The following PLEKHG4B variants were observed in gnomAD, a reference collection of about 807,000 sequenced individuals.
PLEKHG4B encodes the protein pleckstrin homology and RhoGEF domain containing G4B.
Under a neutral mutation model 121.3 loss-of-function variants are expected in PLEKHG4B, and 111 were observed. That is an observed-to-expected ratio of 0.92 (90% confidence interval 0.78 to 1.07). The LOEUF is 1.07. Ranked by LOEUF, PLEKHG4B falls within the 50% of genes least tolerant of loss-of-function variation. The pLI is 0.00. For synonymous variants in PLEKHG4B, 738 were observed against 725.0 expected, an observed-to-expected ratio of 1.02 and a Z score of -0.29; for missense variants, 1,831 against 1,757.8, an observed-to-expected ratio of 1.04 and a Z score of -0.74.
Position 139,169 on chromosome 5 carries a change from C to T in PLEKHG4B, c.244-314C>T, listed in dbSNP as rs929736138. 7.2e-5 allele frequency among the ~76,000 whole-genome samples: 11 copies of T among 152,202 alleles called. No homozygotes were observed. The highest frequency in any genetic ancestry group is 2.1e-4 in the South Asian group (1 of 4,838). On this transcript the variant is annotated intron_variant, in intron 2 of 19. Transcript: ENST00000637938. This position sits in a 1 kb window ranked among gnomAD's most constrained non-coding sequence, Gnocchi z 5.0. The stretch of plus-strand genomic sequence containing the variant: ...CCACTCTGAGGGACAACTCATCCTT[C>T]GGAGCGCCTGGTGGGCTGTGGCTGT...
Position 159,918 on chromosome 5 carries a change from G to C in PLEKHG4B, c.2488-1865G>C, listed in dbSNP as rs1201068438. 1.3e-5 allele frequency among the ~76,000 whole-genome samples: 2 copies of C among 152,134 alleles called. No individual in the cohort carries two copies. The highest frequency in any genetic ancestry group is 4.8e-5 in the African/African-American group (2 of 41,426). On this transcript the variant is annotated intron_variant, in intron 11 of 19. Coordinates refer to ENST00000637938, the MANE Select transcript of PLEKHG4B (RefSeq NM_052909.5). This position sits in a 1 kb window ranked among gnomAD's most constrained non-coding sequence, Gnocchi z 5.5. ...CTCCCGCTTCCTTCCCGGCCTCCAG[G>C]TTTGTGCCCTGGCTGCTCTCTGCCC...
intron 7 of PLEKHG4B, among the ~76,000 whole-genome samples, chr5:153,806 C>T (rs1735677498): frequency 6.6e-6 from 1 of 152,156 alleles, no homozygotes; most frequent in Non-Finnish European, 1.5e-5. Flanking sequence ...CCCACCTCAG[C>T]CTCCTCAGTA....
chr5:103,582 T>G (rs1733886456), intron 1 of PLEKHG4B, among the ~76,000 whole-genome samples: 1 of 152,220 alleles, frequency 6.6e-6, no homozygotes, highest in South Asian at 2.1e-4. Flanking sequence ...TTTCTATTCC[T>G]TCTTAAAAAT....
chr5:98,633 G>A (rs1432836012), intron 1 of PLEKHG4B, among the ~76,000 whole-genome samples: 1 of 145,794 alleles, frequency 6.9e-6, no homozygotes, highest in Non-Finnish European at 1.5e-5. Flanking sequence ...GTGTGTGTGT[G>A]TGTGTGTGTG....
At position 181,403 on chromosome 5, in the gene PLEKHG4B, C is replaced by A. The variant is rs575220611; in HGVS notation, c.4403-111C>A. 30 of 1,193,092 alleles carry A rather than the reference C, an allele frequency of 2.5e-5. 1 individual carries two copies. Among genetic ancestry groups the A allele is most frequent in the South Asian group, 2.0e-4 (14 of 68,344 alleles). 73.9% of individuals were successfully genotyped at this position (1,193,092 alleles called of 1,614,324 possible). On this transcript the variant is annotated intron_variant, in intron 18 of 19. Coordinates refer to ENST00000637938, the MANE Select transcript of PLEKHG4B (RefSeq NM_052909.5). ...CCCCTCGTGGGGCAGGGTGGGTATA[C>A]CCTGTACACCCTCCTGGTTTGGGCT...
rs116033653 is a variant in PLEKHG4B, at chr5:181,629, T to C, written c.4518T>C (p.Cys1506=). ...TGATAAGCGACCGGGCTCCCAAATGTGCAGTGATGAGCGACCGAGTCCCCG... is the reference window on the plus strand; with the variant it reads ...TGATAAGCGACCGGGCTCCCAAATGCGCAGTGATGAGCGACCGAGTCCCCG... ...CAVISDRAPK[C]AVMSDRVPDS... Residue 1506 remains cysteine (C), a synonymous_variant, in exon 19 of 20, where the codon TGT becomes TGC. Coordinates refer to ENST00000637938, the MANE Select transcript of PLEKHG4B (RefSeq NM_052909.5). 2.7e-3 allele frequency: 4,405 copies of C among 1,613,848 alleles called. 101 individuals are homozygous for C. The African/African-American group carries it at 0.05, about 18-fold the overall frequency.
Position 172,958 on chromosome 5 carries a change from GGAA to G in PLEKHG4B, c.4117_4119del (p.Lys1373del), listed in dbSNP as rs1440355274. Reference sequence around the variant, plus strand: ...GATGAGTTTATCGTTTGCTGCGGGAGGAAGAAGTATCTGAGGCATGTGTTCCTC... The same window carrying G: ...GATGAGTTTATCGTTTGCTGCGGGAGGAAGTATCTGAGGCATGTGTTCCTC... On this transcript the variant is annotated inframe_deletion, in exon 17 of 20. Transcript: ENST00000637938. The G allele has an allele frequency of 4.3e-6, 7 of 1,614,068 alleles. No individual in the cohort carries two copies. In the African/African-American group the frequency reaches 6.7e-5, roughly 15 times the overall value.
At chr5:115,890 C>G (rs1053110734) in intron 2 of PLEKHG4B, among the ~76,000 whole-genome samples, 1 of 152,230 alleles carries the variant, frequency 6.6e-6, no homozygotes, top group African/African-American at 2.4e-5. Context: ...AAGACTTTCT[C>G]CATGTCAGCA....
At chr5:150,840 C>A (rs149399646) in intron 6 of PLEKHG4B, among the ~76,000 whole-genome samples, 1 of 152,122 alleles carries the variant, frequency 6.6e-6, no homozygotes, top group African/African-American at 2.4e-5. Flanking sequence ...GCCAGAAATC[C>A]CACTCCTAGA....
chr5:95,372 C>T (rs1408219861), intron 1 of PLEKHG4B, among the ~76,000 whole-genome samples: 2 of 152,104 alleles, frequency 1.3e-5, no homozygotes, highest in Non-Finnish European at 2.9e-5. Context: ...GTACGCCTCA[C>T]CTAGAGAGGG....
intron 2 of PLEKHG4B, among the ~76,000 whole-genome samples, chr5:135,206 A>AG (rs1734920523): frequency 1.3e-5 from 2 of 149,126 alleles, no homozygotes; most frequent in Non-Finnish European, 3.0e-5. Context: ...AAAAAAAAAA[A>AG]AAAGTTTGAT....
chr5:103,119 C>G (rs1733873021), intron 1 of PLEKHG4B, among the ~76,000 whole-genome samples: 1 of 152,196 alleles, frequency 6.6e-6, no homozygotes, highest in African/African-American at 2.4e-5. Context: ...TGTTGTCTGT[C>G]TTCAACCTTG....
chr5:135,798 T>C lies in PLEKHG4B; in HGVS notation c.244-3685T>C, dbSNP rs142954256. Among the ~76,000 whole-genome samples, 312 of 146,016 alleles carry C rather than the reference T, an allele frequency of 2.1e-3. 4 individuals carry two copies. The highest frequency in any genetic ancestry group is 7.5e-3 in the African/African-American group (295 of 39,544). On this transcript the variant is annotated intron_variant, in intron 2 of 19. Coordinates refer to ENST00000637938, the MANE Select transcript of PLEKHG4B (RefSeq NM_052909.5). Reference sequence around the variant, plus strand: ...CTATTAAAGTCTCAATGGTGTTTTTTGCAGAAATAGAAAAGCCCATCTTAA... The same window carrying C: ...CTATTAAAGTCTCAATGGTGTTTTTCGCAGAAATAGAAAAGCCCATCTTAA...
At chr5:135,683 ATATATATATATATAT>A (rs1271702255) in intron 2 of PLEKHG4B, among the ~76,000 whole-genome samples, 11 of 16,122 alleles carry the variant, frequency 6.8e-4, no homozygotes, top group African/African-American at 1.6e-3. Flanking sequence ...AAAAAAAAAA[ATATATATATATATAT>A]ATATATATAT....
intron 1 of PLEKHG4B, among the ~76,000 whole-genome samples, chr5:102,963 G>A (rs1322984382): frequency 6.6e-6 from 1 of 152,150 alleles, no homozygotes; most frequent in Non-Finnish European, 1.5e-5. Context: ...TCTGTTAGAG[G>A]CTTCTTGCTA....
intron 2 of PLEKHG4B, among the ~76,000 whole-genome samples, chr5:131,998 G>C (rs1734794155): frequency 6.6e-6 from 1 of 151,522 alleles, no homozygotes; most frequent in African/African-American, 2.4e-5. Context: ...AATACCCTAG[G>C]AATAAAAGGA....
intron 1 of PLEKHG4B, among the ~76,000 whole-genome samples, chr5:96,895 C>CT (rs1383042822): frequency 1.2e-4 from 19 of 152,314 alleles, no homozygotes; most frequent in African/African-American, 4.6e-4. Flanking sequence ...CCACAAGGTA[C>CT]TAGGACTAAC....
intron 6 of PLEKHG4B, 84 bp downstream of exon 6, chr5:145,004 G>C (rs1579286128): frequency 1.6e-6 from 2 of 1,281,962 alleles, no homozygotes; most frequent in Non-Finnish European, 2.2e-6. Context: ...CGTGGTTCTG[G>C]AGTAGCCAGT....
rs149123445 is a variant in PLEKHG4B at position 136,872 on chromosome 5, A to C, written c.244-2611A>C. Reference sequence around the variant, plus strand: ...CACTTCTGGGCACCTACCCAAAAGAATTGAAATCAGGGATTTAAATAGATA... The same window carrying C: ...CACTTCTGGGCACCTACCCAAAAGACTTGAAATCAGGGATTTAAATAGATA... On this transcript the variant is annotated intron_variant, in intron 2 of 19. Coordinates refer to ENST00000637938, the MANE Select transcript of PLEKHG4B (RefSeq NM_052909.5). Among the ~76,000 whole-genome samples the C allele has an allele frequency of 2.7e-3, 412 of 152,304 alleles. 2 individuals carry two copies. The highest frequency in any genetic ancestry group is 9.6e-3 in the African/African-American group (397 of 41,560).
Sources: allele counts gnomAD v4.1 joint callset (sites outside exome capture counted in the v4.1 genomes callset), GRCh38; gene constraint gnomAD v4.1.1; non-coding constraint Gnocchi (gnomAD v3.1); transcripts MANE v1.5; gene names NCBI Gene and HGNC (gene_info 2026-07-23, HGNC 2026-07-21).